KIAA1217: variants seen among roughly 807,000 people sequenced by gnomAD.
KIAA1217 encodes sickle tail protein homolog.
Under a neutral mutation model 163.9 loss-of-function variants are expected in KIAA1217, and 88 were observed. That is an observed-to-expected ratio of 0.54 (90% CI 0.45 to 0.64). The LOEUF (loss-of-function observed/expected upper bound fraction) is 0.64, where lower values mean the gene tolerates loss of function less well. Among genes scored for constraint, KIAA1217 ranks in the 30% least tolerant of loss-of-function variants. KIAA1217 has a pLI of 0.00. For synonymous variants in KIAA1217, 903 were observed against 923.1 expected (o/e 0.98, Z 0.39); for missense variants, 2,372 against 2,475.0 (o/e 0.96, Z 0.88).
At chr10:23,869,124 GTTTT>G (rs58288361) in intron 1 of KIAA1217, among the ~76,000 whole-genome samples, 10 of 31,702 alleles carry the variant, frequency 3.2e-4, no homozygotes, top group African/African-American at 1.1e-3. Context: ...ATGAAATGTA[GTTTT>G]TTTTTTTTTT....
At chr10:23,948,253 A>ATAT (rs1479615962) in intron 1 of KIAA1217, among the ~76,000 whole-genome samples, 5 of 152,170 alleles carry the variant, frequency 3.3e-5, no homozygotes. Flanking sequence ...CAGAGAGGGG[A>ATAT]TATTATAGTA....
intron 2 of KIAA1217, among the ~76,000 whole-genome samples, chr10:24,298,188 A>G (rs926794233): frequency 6.6e-6 from 1 of 152,166 alleles, no homozygotes; most frequent in East Asian, 1.9e-4. Flanking sequence ...ATCAGTCTGC[A>G]TGTGTAACTA....
In KIAA1217 at chr10:23,934,620, TATATA is replaced by T. The variant is rs1564545988; in HGVS notation, c.-320-72604_-320-72600del. ...ATATATATATATGTATATATATATA[TATATA>T]TTTTTTTTTTGAGACGGAGTCTCGC... On this transcript the variant is annotated intron_variant, in intron 1 of 18. Transcript: ENST00000376462. Among the ~76,000 whole-genome samples, 4 of 93,882 alleles carry T rather than the reference TATATA, an allele frequency of 4.3e-5. 1 individual carries two copies. Among genetic ancestry groups the T allele is most frequent in the African/African-American group, 3.2e-4 (4 of 12,454 alleles). The allele number at this position is 93,882 out of a possible 152,430, so 61.6% of individuals were successfully genotyped here. A position where few individuals can be genotyped will look rare whatever the true frequency, so the allele number is the denominator to read the frequency against.
intron 1 of KIAA1217, among the ~76,000 whole-genome samples, chr10:23,947,280 T>C (rs1205391809): frequency 1.3e-5 from 2 of 152,212 alleles, no homozygotes; most frequent in African/African-American, 2.4e-5. Context: ...AATGTATTTA[T>C]GACTAGAAGA....
chr10:24,216,471 C>A (rs2068832425), intron 1 of KIAA1217, among the ~76,000 whole-genome samples: 1 of 152,082 alleles, frequency 6.6e-6, no homozygotes, highest in Admixed American at 6.6e-5. Context: ...TCTAGCTGTC[C>A]TGGATAACTT....
chr10:24,012,272 C>T (rs1481683692), intron 2 of KIAA1217, among the ~76,000 whole-genome samples: 4 of 152,024 alleles, frequency 2.6e-5, no homozygotes, highest in Non-Finnish European at 5.9e-5. Flanking sequence ...AATATAAATC[C>T]TAAAGAGAAA....
intron 1 of KIAA1217, among the ~76,000 whole-genome samples, chr10:23,917,657 A>G (rs1244430967): frequency 6.6e-6 from 1 of 152,220 alleles, no homozygotes; most frequent in African/African-American, 2.4e-5. Context: ...AGGTCAATGC[A>G]AAAGAGTCAG....
chr10:23,822,917 A>G (rs1034410222), intron 1 of KIAA1217, among the ~76,000 whole-genome samples: 2 of 152,236 alleles, frequency 1.3e-5, no homozygotes, highest in African/African-American at 4.8e-5. Context: ...CCATATGTCT[A>G]AATTTAGCCT....
At chr10:23,923,229 T>C (rs1199528605) in intron 1 of KIAA1217, among the ~76,000 whole-genome samples, 2 of 152,232 alleles carry the variant, frequency 1.3e-5, no homozygotes, top group African/African-American at 4.8e-5. Context: ...TCACTTAGAA[T>C]AACGGTCACC....
intron 1 of KIAA1217, among the ~76,000 whole-genome samples, chr10:23,731,413 G>C (rs1031744016): frequency 6.6e-6 from 1 of 152,182 alleles, no homozygotes; most frequent in African/African-American, 2.4e-5. Flanking sequence ...GTGAACCAGA[G>C]GACACAAATA....
rs184541891 is a variant in KIAA1217, at chr10:24,053,799, A to G, written c.-171+46425A>G. On this transcript the variant is annotated intron_variant, in intron 2 of 18. Coordinates refer to the KIAA1217 transcript ENST00000376462. ...GATATCTAAATGGAATTTTCTGAAT[A>G]TATTTATATACAAAATGGCATGAAT... Among the ~76,000 whole-genome samples, 3 of 152,286 alleles carry G rather than the reference A, an allele frequency of 2.0e-5. No individual in the cohort carries two copies. The East Asian group carries it at 5.8e-4, about 29-fold the overall frequency.
At chr10:23,853,344 T>A (rs1839458679) in intron 1 of KIAA1217, among the ~76,000 whole-genome samples, 1 of 152,200 alleles carries the variant, frequency 6.6e-6, no homozygotes, top group African/African-American at 2.4e-5. Context: ...TAAACCAGCC[T>A]TGCATCCCAG....
intron 1 of KIAA1217, among the ~76,000 whole-genome samples, chr10:23,752,781 T>C (rs1057124331): frequency 2.6e-5 from 4 of 152,180 alleles, no homozygotes; most frequent in Admixed American, 1.3e-4. Flanking sequence ...TTTTATTCAG[T>C]GTCTTTAGAT....
intron 1 of KIAA1217, among the ~76,000 whole-genome samples, chr10:23,819,545 T>C (rs1837520707): frequency 6.6e-6 from 1 of 152,194 alleles, no homozygotes; most frequent in African/African-American, 2.4e-5. Flanking sequence ...TCTCATTAAC[T>C]TGGAGATCAC....
chr10:23,735,621 T>C (rs536444289), intron 1 of KIAA1217, among the ~76,000 whole-genome samples: 39 of 152,260 alleles, frequency 2.6e-4, no homozygotes, highest in African/African-American at 9.4e-4. Context: ...CTTTTGCTCA[T>C]TTTTTAATTA....
At position 23,998,005 on chromosome 10, in the gene KIAA1217, C is replaced by G. The variant is rs12259091; in HGVS notation, c.-320-9220C>G. ...TTTCTTTTTTTTTTTCCCCCCAAAA[C>G]TAATCTAACTGCCTGTTCTCTGAAT... On this transcript the variant is annotated intron_variant, in intron 1 of 18. Coordinates refer to the KIAA1217 transcript ENST00000376462. 8.1e-3 allele frequency among the ~76,000 whole-genome samples: 1,231 copies of G among 151,404 alleles called. 14 individuals are homozygous for G. Among genetic ancestry groups the G allele is most frequent in the African/African-American group, 0.028 (1,161 of 41,214 alleles).
At chr10:24,412,306 G>A (rs549916816) in intron 3 of KIAA1217, among the ~76,000 whole-genome samples, 1 of 152,262 alleles carries the variant, frequency 6.6e-6, no homozygotes, top group South Asian at 2.1e-4. Context: ...TTTCGAGATT[G>A]GATGACCTCA....
intron 2 of KIAA1217, among the ~76,000 whole-genome samples, chr10:24,021,378 G>T (rs917790291): frequency 4.0e-5 from 6 of 151,462 alleles, no homozygotes; most frequent in Admixed American, 2.6e-4. Context: ...CAATACTTTA[G>T]GTATAAATCT....
intron 2 of KIAA1217, among the ~76,000 whole-genome samples, chr10:24,251,447 A>G (rs11594511): frequency 6.6e-6 from 1 of 151,808 alleles, no homozygotes; most frequent in Non-Finnish European, 1.5e-5. Flanking sequence ...AAAGAAAAAA[A>G]CAGATCAGAG....
Sources: gnomAD v4.1 joint callset for allele counts (sites outside exome capture counted in the v4.1 genomes callset) on GRCh38, gnomAD v4.1.1 for gene constraint, MANE v1.5 for transcripts, NCBI Gene and HGNC (gene_info 2026-07-23, HGNC 2026-07-21) for gene names.